L3MBTL1: variants seen among roughly 807,000 people sequenced by gnomAD.
L3MBTL1 encodes lethal(3)malignant brain tumor-like protein 1.
L3MBTL1 carries 75 observed loss-of-function variants against 105.3 expected under a neutral mutation model. The observed-to-expected ratio is 0.71, with a 90% CI of 0.59 to 0.86. The LOEUF is 0.86. L3MBTL1 is among the 40% of genes least tolerant of loss of function. The probability of loss-of-function intolerance (pLI) is 0.00; values close to 1 mark genes in which losing one functional copy is unlikely to be tolerated. For synonymous variants in L3MBTL1, 452 were observed against 436.2 expected, an observed-to-expected ratio of 1.04 and a Z score of -0.45; for missense variants, 1,069 against 1,126.4, an observed-to-expected ratio of 0.95 and a Z score of 0.73.
chr20:43,524,180 A>C (rs2018894246), intron 7 of L3MBTL1, among the ~76,000 whole-genome samples: 1 of 151,942 alleles, frequency 6.6e-6, no homozygotes, highest in African/African-American at 2.4e-5. Flanking sequence ...CTTTGGGTTA[A>C]TTTTACTTTT....
intron 20 of L3MBTL1, 133 bp from the exon 21 acceptor site, chr20:43,540,620 C>T: frequency 1.1e-6 from 1 of 883,930 alleles, no homozygotes; most frequent in Non-Finnish European, 1.7e-6. Context: ...AGCATAGAAA[C>T]CCTAGGATCC....
intron 8 of L3MBTL1, 155 bp downstream of exon 8, chr20:43,528,900 A>G (rs2145442075): frequency 1.5e-6 from 1 of 652,782 alleles, no homozygotes. Flanking sequence ...AGAGTGGAAA[A>G]GGGCCCCCCA....
In L3MBTL1 at chr20:43,513,957, G is replaced by T. The variant is rs1309304654; in HGVS notation, c.256G>T (p.Val86Phe). The T allele has an allele frequency of 6.5e-7, 1 of 1,549,326 alleles. No individual in the cohort carries two copies. Among genetic ancestry groups the T allele is most frequent in the Admixed American group, 2.0e-5 (1 of 51,012 alleles). Residue 86 changes from valine to phenylalanine, a missense_variant, in exon 3 of 22, where the codon GTC (valine) becomes TTC (phenylalanine). By Grantham distance (50) the Val-to-Phe change is conservative. Coordinates refer to ENST00000418998, the MANE Select transcript of L3MBTL1 (RefSeq NM_001377303.1). ...CGGCTGCGAACCAGTTTCTGCCACC[G>T]TCCTGCCGCAGCTTAGCGCCGGGCC... ...VAGCEPVSAT[V>F]LPQLSAGPAS...
At chr20:43,508,238 C>T (rs1171346100) in intron 1 of L3MBTL1, among the ~76,000 whole-genome samples, 5 of 151,104 alleles carry the variant, frequency 3.3e-5, no homozygotes, top group Middle Eastern at 3.4e-3. Flanking sequence ...AAAAGAATTC[C>T]GCCATTTTAG....
rs1417805575 is a variant in L3MBTL1 at position 43,516,283 on chromosome 20, A to G, written c.862+106A>G. 6.4e-6 allele frequency: 5 copies of G among 780,892 alleles called. No homozygotes were observed. The East Asian group carries it at 1.1e-4, about 17-fold the overall frequency. 48.4% of individuals were successfully genotyped at this position (780,892 alleles called of 1,614,324 possible). Reference sequence around the variant, plus strand: ...GATTGTGATGGTAGGTTGTACATGCATAAATGAGCATGAGTTAGTGTGTGT... The same window carrying G: ...GATTGTGATGGTAGGTTGTACATGCGTAAATGAGCATGAGTTAGTGTGTGT... On this transcript the variant is annotated intron_variant, in intron 7 of 21. Transcript: ENST00000418998.
intron 7 of L3MBTL1, among the ~76,000 whole-genome samples, chr20:43,520,650 T>C (rs1192490604): frequency 1.3e-5 from 2 of 152,248 alleles, no homozygotes; most frequent in Non-Finnish European, 2.9e-5. Context: ...TGGCTAATGA[T>C]GTTAGCATGT....
chr20:43,514,265 G>A (rs2018236167), intron 3 of L3MBTL1: 1 of 772,630 alleles, frequency 1.3e-6, no homozygotes, highest in African/African-American at 1.8e-5. Flanking sequence ...GGCGTGGCTT[G>A]GAGTGAGGCA....
chr20:43,547,288 T>G (rs966257466), intron 18 of L3MBTL1, among the ~76,000 whole-genome samples: 2 of 152,102 alleles, frequency 1.3e-5, no homozygotes, highest in African/African-American at 4.8e-5. Flanking sequence ...GTATTTTTAG[T>G]AGAAGCGGGG....
chr20:43,528,608 A>G (rs2071971), intron 7 of L3MBTL1, 49 bp from the exon 8 acceptor site: 88 of 1,417,898 alleles, frequency 6.2e-5, no homozygotes, highest in Non-Finnish European at 8.0e-5. Context: ...GAAGAAAGTC[A>G]TATATCAGGA....
downstream of L3MBTL1, among the ~76,000 whole-genome samples, chr20:43,544,978 C>T (rs1978493295): frequency 6.6e-6 from 1 of 151,578 alleles, no homozygotes; most frequent in African/African-American, 2.4e-5. Flanking sequence ...CAAACAACAA[C>T]AACAAAAGAA....
intron 10 of L3MBTL1, 24 bp downstream of exon 10, chr20:43,530,443 C>T: frequency 1.9e-6 from 3 of 1,609,524 alleles, no homozygotes; most frequent in Non-Finnish European, 2.5e-6. Flanking sequence ...GGGTTGGTCA[C>T]AGTGAGGCAG....
downstream of L3MBTL1, among the ~76,000 whole-genome samples, chr20:43,542,900 T>C (rs185019837): frequency 1.3e-5 from 2 of 152,368 alleles, no homozygotes; most frequent in African/African-American, 4.8e-5. Flanking sequence ...TTCATGAGTA[T>C]ACCATAATTT....
rs367598049 is a variant in L3MBTL1 at position 43,540,152 on chromosome 20, C to T, written c.2175C>T (p.Thr725=). The change falls in exon 20 of 22, where the codon ACC becomes ACT. Residue 725 remains threonine (T), a splice_region_variant and synonymous_variant. Coordinates refer to ENST00000418998, the MANE Select transcript of L3MBTL1 (RefSeq NM_001377303.1). ...CCAGCCTCTGCCTCTGCTTTCCAGCCCTCACGCCCGATGTCGTGCACCAGT... is the reference window on the plus strand; with the variant it reads ...CCAGCCTCTGCCTCTGCTTTCCAGCTCTCACGCCCGATGTCGTGCACCAGT... ...YRKIPQEDFQ[T]LTPDVVHQSL... 105 of 1,611,380 alleles carry T rather than the reference C, an allele frequency of 6.5e-5. No individual in the cohort carries two copies. The highest frequency in any genetic ancestry group is 8.4e-5 in the Non-Finnish European group (99 of 1,180,026).
intron 7 of L3MBTL1, among the ~76,000 whole-genome samples, chr20:43,521,694 T>C (rs971708111): frequency 2.6e-5 from 4 of 152,186 alleles, no homozygotes; most frequent in African/African-American, 9.7e-5. Flanking sequence ...GTAAAGTTCA[T>C]AATACCCCCT....
chr20:43,517,297 T>C (rs2018451738), intron 7 of L3MBTL1, among the ~76,000 whole-genome samples: 1 of 152,166 alleles, frequency 6.6e-6, no homozygotes, highest in South Asian at 2.1e-4. Context: ...GGTTTCACCA[T>C]GTTGGCCAGG....
At chr20:43,520,854 C>T (rs1262285632) in intron 7 of L3MBTL1, among the ~76,000 whole-genome samples, 2 of 152,206 alleles carry the variant, frequency 1.3e-5, no homozygotes, top group East Asian at 1.9e-4. Context: ...CTACTTAAAG[C>T]AGCACTTACT....
chr20:43,531,456 G>C (rs992865291), intron 11 of L3MBTL1: 1 of 152,874 alleles, frequency 6.5e-6, no homozygotes. Flanking sequence ...GCTCATGCCT[G>C]TAATCCCAGC....
exon 19 of L3MBTL1, chr20:43,548,523 CA>C (rs201665385): frequency 5.0e-6 from 1 of 201,036 alleles, no homozygotes; most frequent in Non-Finnish European, 1.0e-5. Flanking sequence ...TGGCAGCCCC[CA>C]CAGCCCCAGT....
intron 7 of L3MBTL1, among the ~76,000 whole-genome samples, chr20:43,526,584 T>C (rs2019044998): frequency 6.6e-6 from 1 of 152,198 alleles, no homozygotes; most frequent in South Asian, 2.1e-4. Flanking sequence ...ATGAACAAAA[T>C]ATCTGTTGTG....
Sources: allele counts gnomAD v4.1 joint callset (sites outside exome capture counted in the v4.1 genomes callset), GRCh38; gene constraint gnomAD v4.1.1; transcripts MANE v1.5; gene names NCBI Gene and HGNC (gene_info 2026-07-23, HGNC 2026-07-21).